The following GIMD1 variants were observed in gnomAD, a reference collection of about 807,000 sequenced individuals.
GIMD1 encodes the protein GTPase IMAP family member GIMD1.
Under a neutral mutation model 14.9 loss-of-function variants are expected in GIMD1, and 14 were observed. That is an observed-to-expected ratio of 0.94 (90% CI 0.62 to 1.47). GIMD1 has a LOEUF of 1.47. Among genes scored for constraint, GIMD1 ranks in the 40% most tolerant of loss-of-function variants. GIMD1 has a pLI of 0.00. For synonymous variants in GIMD1, 91 were observed against 90.5 expected (o/e 1.01, Z -0.03); for missense variants, 272 against 255.3 (o/e 1.07, Z -0.44).
At chr4:106,360,550 T>A (rs917554313) in intron 2 of GIMD1, among the ~76,000 whole-genome samples, 1 of 151,968 alleles carries the variant, frequency 6.6e-6, no homozygotes, top group Non-Finnish European at 1.5e-5. Flanking sequence ...TGAGCAGTGA[T>A]GTTATGGGTT....
At chr4:106,365,338 C>T (rs1332041709) in intron 2 of GIMD1, among the ~76,000 whole-genome samples, 3 of 150,818 alleles carry the variant, frequency 2.0e-5, no homozygotes, top group Non-Finnish European at 4.4e-5. Context: ...ATTTTTTATG[C>T]TCCTGTCACC....
intron 2 of GIMD1, among the ~76,000 whole-genome samples, chr4:106,363,386 C>G (rs1770643411): frequency 6.6e-6 from 1 of 152,068 alleles, no homozygotes; most frequent in Non-Finnish European, 1.5e-5. Flanking sequence ...GTAGCTAAGA[C>G]TTGAATACTT....
In GIMD1 at chr4:106,364,048, A is replaced by G. The variant is rs201253073; in HGVS notation, c.393+2995T>C. On this transcript the variant is annotated intron_variant, in intron 2 of 2. Transcript: ENST00000638719. ...AAATGAGATTCCAGATAATATTTGA[A>G]TAAATTCTTCCTTCTATTTCTTGAT... Among the ~76,000 whole-genome samples the G allele has an allele frequency of 3.3e-5, 5 of 152,156 alleles. 1 individual carries two copies. The East Asian group carries it at 9.6e-4, about 29-fold the overall frequency.
intron 2 of GIMD1, among the ~76,000 whole-genome samples, chr4:106,362,089 T>C (rs1366802339): frequency 6.6e-6 from 1 of 152,114 alleles, no homozygotes; most frequent in Non-Finnish European, 1.5e-5. Context: ...GGATAATAGA[T>C]TTGTAAGTGC....
chr4:106,363,858 G>T (rs58494189), intron 2 of GIMD1, among the ~76,000 whole-genome samples: 7 of 124,148 alleles, frequency 5.6e-5, no homozygotes, highest in African/African-American at 2.1e-4. Context: ...TTGCTTGTAC[G>T]CAGTAATAAT....
At position 106,365,381 on chromosome 4, in the gene GIMD1, A is replaced by G. The variant is rs553239227; in HGVS notation, c.393+1662T>C. On this transcript the variant is annotated intron_variant, in intron 2 of 2. Transcript: ENST00000638719. ...TTCTGCTAGTTTCTTGTGATTATACATATGGCTGGGTTTTTTTTTTTCATT... is the reference window on the plus strand; with the variant it reads ...TTCTGCTAGTTTCTTGTGATTATACGTATGGCTGGGTTTTTTTTTTTCATT... Among the ~76,000 whole-genome samples the G allele has an allele frequency of 2.8e-5, 4 of 141,756 alleles. No homozygotes were observed. The East Asian group carries it at 6.3e-4, about 22-fold the overall frequency. 93.0% of individuals were successfully genotyped at this position (141,756 alleles called of 152,430 possible). A position where few individuals can be genotyped will look rare whatever the true frequency, so the allele number is the denominator to read the frequency against.
intron 2 of GIMD1, among the ~76,000 whole-genome samples, chr4:106,365,391 G>GT (rs11461687): frequency 0.15 from 22,482 of 145,322 alleles, 1,767 homozygotes; most frequent in South Asian, 0.26. Context: ...ATATGGCTGG[G>GT]TTTTTTTTTT....
chr4:106,366,960 T>TAATAA (rs1491259241), intron 2 of GIMD1, 83 bp downstream of exon 2: 65 of 258,850 alleles, frequency 2.5e-4, no homozygotes, highest in African/African-American at 1.4e-3. Flanking sequence ...AATAATAATA[T>TAATAA]TATTATTATT....
At position 106,357,804 on chromosome 4, in the gene GIMD1, A is replaced by T. The variant is rs1320545547; in HGVS notation, c.*379T>A. ...TTGCTTATTCTAATTACTTATTCTA[A>T]TATCCCACTGTGGGAATATACCACA... is the stretch of plus-strand genomic sequence containing the variant. On this transcript the variant is annotated 3_prime_UTR_variant, in exon 3 of 3. Coordinates refer to ENST00000638719, the MANE Select transcript of GIMD1 (RefSeq NM_001195138.2). 6.3e-6 allele frequency: 1 copy of T among 158,614 alleles called. No homozygotes were observed. Among genetic ancestry groups the T allele is most frequent in the Non-Finnish European group, 1.4e-5 (1 of 72,070 alleles). 9.8% of individuals were successfully genotyped at this position (158,614 alleles called of 1,614,324 possible). A position where few individuals can be genotyped will look rare whatever the true frequency, so the allele number is the denominator to read the frequency against.
Position 106,358,374 on chromosome 4 carries a change from C to A in GIMD1, c.463G>T (p.Ala155Ser), listed in dbSNP as rs1225637528. Residue 155 changes from alanine (A) to serine (S), a missense_variant, in exon 3 of 3, where the codon GCT (alanine) becomes TCT (serine). Ala to Ser is a moderately conservative substitution (Grantham distance 99). Transcript: ENST00000638719. ...LFTHAEKIEE[A>S]GLTEDKYLHE... ...AAATATTTATCTTCAGTAAGCCCAG[C>A]CTCTTCTATTTTTTCTGCATGGGTA... The A allele has an allele frequency of 6.5e-7, 1 of 1,532,240 alleles. No homozygotes were observed. The highest frequency in any genetic ancestry group is 2.0e-5 in the Admixed American group (1 of 50,648). 94.9% of individuals were successfully genotyped at this position (1,532,240 alleles called of 1,614,324 possible).
chr4:106,358,409 G>T lies in GIMD1; in HGVS notation c.428C>A (p.Ala143Asp). ...LLGHAWMNYT[A>D]ILFTHAEKIE... is the part of the protein sequence containing the mutation. ...TTTTTCTGCATGGGTAAAAAGAATG[G>T]CTGTGTAATTCATCCAAGCATGTCC... is the stretch of plus-strand genomic sequence containing the variant. The change falls in exon 3 of 3, where the codon GCC becomes GAC. Residue 143 changes from alanine to aspartate, a missense_variant. Physicochemically the swap from Ala to Asp is moderately radical, Grantham distance 126. Transcript: ENST00000638719. 1 of 1,523,760 alleles carries T rather than the reference G, an allele frequency of 6.6e-7. No homozygotes were observed. Among genetic ancestry groups the T allele is most frequent in the Non-Finnish European group, 8.8e-7 (1 of 1,142,762 alleles). 94.4% of individuals were successfully genotyped at this position (1,523,760 alleles called of 1,614,324 possible).
At chr4:106,360,511 G>A (rs937894429) in intron 2 of GIMD1, among the ~76,000 whole-genome samples, 8 of 152,000 alleles carry the variant, frequency 5.3e-5, no homozygotes, top group Admixed American at 3.9e-4. Context: ...GTCTCTGCTG[G>A]AAGAGGAGTC....
In GIMD1 at chr4:106,367,412, G is replaced by A. The variant is rs1405176567; in HGVS notation, c.24C>T (p.Ile8=). 3 of 1,534,146 alleles carry A rather than the reference G, an allele frequency of 2.0e-6. No individual in the cohort carries two copies. Among genetic ancestry groups the A allele is most frequent in the South Asian group, 2.4e-5 (2 of 83,866 alleles). Residue 8 remains isoleucine (I), a synonymous_variant, in exon 2 of 3, where the codon ATC becomes ATT. Coordinates refer to ENST00000638719, the MANE Select transcript of GIMD1 (RefSeq NM_001195138.2). The stretch of plus-strand genomic sequence containing the variant: ...TCATGCCAAAGAGGGCCAAGTTGAT[G>A]ATCATCTTGTTGGGGTCTGTCATGG... MTDPNKM[I]INLALFGMTQ... is the part of the protein sequence containing the mutation.
In GIMD1 at chr4:106,357,969, G is replaced by A. The variant is rs1251913432; in HGVS notation, c.*214C>T. 6.8e-6 allele frequency: 3 copies of A among 438,926 alleles called. No homozygotes were observed. Among genetic ancestry groups the A allele is most frequent in the Non-Finnish European group, 1.2e-5 (3 of 245,976 alleles). 27.2% of individuals were successfully genotyped at this position (438,926 alleles called of 1,614,324 possible). A position where few individuals can be genotyped will look rare whatever the true frequency, so the allele number is the denominator to read the frequency against. On this transcript the variant is annotated 3_prime_UTR_variant, in exon 3 of 3. Transcript: ENST00000638719. ...CACATTTATGTTGGGTATACACTTAGGAGTGTAATTGCTATGTCATGGGAT... is the reference window on the plus strand; with the variant it reads ...CACATTTATGTTGGGTATACACTTAAGAGTGTAATTGCTATGTCATGGGAT...
chr4:106,359,166 A>G (rs1453817238), intron 2 of GIMD1, among the ~76,000 whole-genome samples: 1 of 151,958 alleles, frequency 6.6e-6, no homozygotes, highest in Non-Finnish European at 1.5e-5. Flanking sequence ...GCTGATATAA[A>G]GCAGAAGTAA....
intron 2 of GIMD1, among the ~76,000 whole-genome samples, chr4:106,361,656 T>C (rs1490872481): frequency 3.3e-5 from 5 of 152,082 alleles, no homozygotes; most frequent in East Asian, 1.9e-4. Flanking sequence ...AATGTTTTCA[T>C]ACAAATTATT....
chr4:106,359,815 A>G (rs1450014977), intron 2 of GIMD1, among the ~76,000 whole-genome samples: 1 of 151,930 alleles, frequency 6.6e-6, no homozygotes. Context: ...TAAATCTAAC[A>G]TGAAAATACT....
At chr4:106,365,391 G>GTT (rs11461687) in intron 2 of GIMD1, among the ~76,000 whole-genome samples, 32,180 of 145,214 alleles carry the variant, frequency 0.22, 3,748 homozygotes, top group Middle Eastern at 0.37. Flanking sequence ...ATATGGCTGG[G>GTT]TTTTTTTTTT....
chr4:106,367,928 G>C (rs576705573), intron 1 of GIMD1, among the ~76,000 whole-genome samples: 1 of 151,974 alleles, frequency 6.6e-6, no homozygotes, highest in Non-Finnish European at 1.5e-5. Context: ...CCCACTTCCC[G>C]ACCCACTGCC....
Sources: gnomAD v4.1 joint callset for allele counts (sites outside exome capture counted in the v4.1 genomes callset) on GRCh38, gnomAD v4.1.1 for gene constraint, MANE v1.5 for transcripts, NCBI Gene and HGNC (gene_info 2026-07-23, HGNC 2026-07-21) for gene names.